ANK3: variants seen among roughly 807,000 people sequenced by gnomAD.
ANK3 encodes the protein ankyrin 3, also known as ankyrin-3.
ANK3 carries 57 observed loss-of-function variants against 370.9 expected under a neutral mutation model. That is an observed-to-expected ratio of 0.15 (90% CI 0.12 to 0.19). ANK3 has a LOEUF of 0.19. Ranked by LOEUF, ANK3 falls within the 10% of genes least tolerant of loss-of-function variation. The pLI is 1.00. For missense variants in ANK3, 4,439 were observed against 5,302.1 expected (o/e 0.84, Z 5.06); for synonymous variants, 1,929 against 1,946.3 (o/e 0.99, Z 0.23).
intron 2 of ANK3, among the ~76,000 whole-genome samples, chr10:60,553,068 C>T (rs1251675957): frequency 1.3e-5 from 2 of 152,142 alleles, no homozygotes; most frequent in African/African-American, 4.8e-5. Flanking sequence ...TCAGCTATGT[C>T]TTTATCAGCA....
chr10:60,099,251 AG>A (rs72210759), intron 28 of ANK3, among the ~76,000 whole-genome samples: 13,598 of 152,102 alleles, frequency 0.089, 938 homozygotes, highest in African/African-American at 0.19. Flanking sequence ...TGTCACCAGC[AG>A]GGGGGGCATA....
intron 2 of ANK3, among the ~76,000 whole-genome samples, chr10:60,410,655 A>G (rs906042832): frequency 4.7e-4 from 71 of 152,200 alleles, no homozygotes; most frequent in African/African-American, 1.5e-3. Context: ...CCTGGTCCTT[A>G]AAAACCTCTC....
intron 1 of ANK3, among the ~76,000 whole-genome samples, chr10:60,615,582 A>T (rs929191968): frequency 2.6e-5 from 4 of 152,308 alleles, no homozygotes; most frequent in Admixed American, 1.3e-4. Context: ...AGTAATAATA[A>T]AGGTAATTTA....
intron 25 of ANK3, among the ~76,000 whole-genome samples, chr10:60,118,096 C>A (rs1202387562): frequency 1.3e-5 from 2 of 152,168 alleles, no homozygotes; most frequent in African/African-American, 4.8e-5. Context: ...TACGAGTTAT[C>A]AAAAATTATT....
intron 2 of ANK3, among the ~76,000 whole-genome samples, chr10:60,426,227 G>C (rs988473834): frequency 1.3e-5 from 2 of 151,980 alleles, no homozygotes; most frequent in African/African-American, 4.8e-5. Flanking sequence ...AACTTCTGTT[G>C]TATGGTTGAT....
At chr10:60,483,779 G>C (rs914752243) in intron 2 of ANK3, among the ~76,000 whole-genome samples, 1 of 152,100 alleles carries the variant, frequency 6.6e-6, no homozygotes, top group African/African-American at 2.4e-5. Flanking sequence ...CACACTCCAC[G>C]TGCTTGTCTA....
Position 60,166,579 on chromosome 10 carries a change from A to T in ANK3, c.2614+12T>A. On this transcript the variant is annotated intron_variant, in intron 23 of 43. Coordinates refer to ENST00000280772, the MANE Select transcript of ANK3 (RefSeq NM_020987.5). ...GTAGTTAAGTTTCATCACAATAAAA[A>T]TTTACAAATACCTTCTTCAACATCT... is the stretch of plus-strand genomic sequence containing the variant. 1 of 1,610,870 alleles carries T rather than the reference A, an allele frequency of 6.2e-7. No homozygotes were observed. The highest frequency in any genetic ancestry group is 8.5e-7 in the Non-Finnish European group (1 of 1,177,670).
intron 1 of ANK3, among the ~76,000 whole-genome samples, chr10:60,641,409 C>A (rs924644481): frequency 5.3e-5 from 8 of 152,060 alleles, no homozygotes; most frequent in Admixed American, 1.3e-4. Flanking sequence ...ACCAAAACAG[C>A]ATGGTACTGG....
chr10:60,076,516 C>A (rs2083861473), intron 36 of ANK3, 68 bp from the exon 37 acceptor site: 10 of 1,485,082 alleles, frequency 6.7e-6, no homozygotes, highest in South Asian at 1.5e-5. Flanking sequence ...AACAGAGAGA[C>A]CAGAGAAAAA....
intron 1 of ANK3, among the ~76,000 whole-genome samples, chr10:60,363,034 A>G (rs2058850249): frequency 7.8e-6 from 1 of 128,946 alleles, no homozygotes; most frequent in African/African-American, 2.9e-5. Context: ...AGAAATGCCA[A>G]CTACTTACTT....
Position 60,711,122 on chromosome 10 carries a change from G to T in ANK3, c.57+22141C>A, listed in dbSNP as rs78038208. Among the ~76,000 whole-genome samples, 1,380 of 152,228 alleles carry T rather than the reference G, an allele frequency of 9.1e-3. 22 individuals are homozygous for T. Among genetic ancestry groups the T allele is most frequent in the African/African-American group, 0.032 (1,311 of 41,516 alleles). The stretch of plus-strand genomic sequence containing the variant: ...GGGACACATAAAATAACCATTACAT[G>T]TTCTAATGGGAAAAGTGAACAACAC... On this transcript the variant is annotated intron_variant, in intron 1 of 43. Transcript: ENST00000373827.
In ANK3 at chr10:60,633,814, TTCTC is replaced by T. The variant is rs1567191737; in HGVS notation, c.58-18594_58-18591del. 5.3e-5 allele frequency among the ~76,000 whole-genome samples: 8 copies of T among 152,312 alleles called. No homozygotes were observed. The South Asian group carries it at 1.7e-3, about 32-fold the overall frequency. On this transcript the variant is annotated intron_variant, in intron 1 of 43. Transcript: ENST00000373827. ...CACCACCTGAAGCATCCATATTGGGTTCTCTCTTTTTCTTTCATTTTCTCTTAAG... is the reference window on the plus strand; with the variant it reads ...CACCACCTGAAGCATCCATATTGGGTTCTTTTTCTTTCATTTTCTCTTAAG...
intron 7 of ANK3, among the ~76,000 whole-genome samples, chr10:60,252,337 C>T (rs922745654): frequency 1.3e-5 from 2 of 152,126 alleles, no homozygotes; most frequent in African/African-American, 2.4e-5. Flanking sequence ...GTGTGGACAA[C>T]GTGCTGGAAC....
intron 2 of ANK3, among the ~76,000 whole-genome samples, chr10:60,602,994 G>A (rs1225069205): frequency 2.0e-5 from 3 of 151,934 alleles, no homozygotes; most frequent in Non-Finnish European, 2.9e-5. Flanking sequence ...TAAAAAAAGG[G>A]GGTCAGAATG....
At chr10:60,240,906 C>A in intron 7 of ANK3, among the ~76,000 whole-genome samples, 1 of 152,296 alleles carries the variant, frequency 6.6e-6, no homozygotes, top group South Asian at 2.1e-4. Flanking sequence ...TTAATCCAAA[C>A]GTTAACAATT....
chr10:60,706,524 C>T (rs1310086471), intron 1 of ANK3, among the ~76,000 whole-genome samples: 3 of 150,988 alleles, frequency 2.0e-5, no homozygotes, highest in African/African-American at 7.4e-5. Context: ...AGAGAGAATG[C>T]TCCTAACCAA....
Position 60,181,181 on chromosome 10 carries a change from G to C in ANK3, c.2184+148C>G, listed in dbSNP as rs1038874359. On this transcript the variant is annotated intron_variant, in intron 18 of 43. Coordinates refer to ENST00000280772, the MANE Select transcript of ANK3 (RefSeq NM_020987.5). ...TGGAATACGGCAACCGGAGACTTTA[G>C]TGTCCCTTGCATAAATAAACATTTA... 1.1e-5 allele frequency: 9 copies of C among 783,152 alleles called. No individual in the cohort carries two copies. The African/African-American group carries it at 1.2e-4, about 11-fold the overall frequency. The allele number at this position is 783,152 out of a possible 1,614,324, so 48.5% of individuals were successfully genotyped here. A position where few individuals can be genotyped will look rare whatever the true frequency, so the allele number is the denominator to read the frequency against.
At position 60,317,783 on chromosome 10, in the gene ANK3, G is replaced by A. The variant is rs7067746; in HGVS notation, c.115-38144C>T. ...GGCTGGAGTGCAGTGGTGCGATCTC[G>A]GCTCACTGTAAGCTCCACCTCGCGG... On this transcript the variant is annotated intron_variant, in intron 1 of 43. Coordinates refer to ENST00000280772, the MANE Select transcript of ANK3 (RefSeq NM_020987.5). 3.1e-3 allele frequency among the ~76,000 whole-genome samples: 463 copies of A among 149,044 alleles called. 3 individuals carry two copies. Among genetic ancestry groups the A allele is most frequent in the African/African-American group, 0.011 (426 of 40,326 alleles).
chr10:60,133,564 T>C (rs2094198385), intron 25 of ANK3, among the ~76,000 whole-genome samples: 1 of 152,196 alleles, frequency 6.6e-6, no homozygotes, highest in Non-Finnish European at 1.5e-5. Context: ...ATGACCAGTC[T>C]CATCTTTACT....
Sources: allele counts gnomAD v4.1 joint callset (sites outside exome capture counted in the v4.1 genomes callset), GRCh38; gene constraint gnomAD v4.1.1; transcripts MANE v1.5; gene names NCBI Gene and HGNC (gene_info 2026-07-23, HGNC 2026-07-21).